The following MALRD1 variants were observed in gnomAD, a reference collection of about 807,000 sequenced individuals.
MALRD1 encodes MAM and LDL-receptor class A domain-containing protein 1.
A neutral mutation model predicts 242.1 loss-of-function variants in MALRD1; 247 were observed. The observed-to-expected ratio is 1.02, with a 90% CI of 0.92 to 1.13. The LOEUF is 1.13. Among genes scored for constraint, MALRD1 ranks in the 50% most tolerant of loss-of-function variants. The pLI is 0.00. For synonymous variants in MALRD1, 995 were observed against 866.6 expected (o/e 1.15, Z -2.60); for missense variants, 2,989 against 2,533.1 (o/e 1.18, Z -3.86).
At chr10:19,595,488 G>T in intron 34 of MALRD1, 31 bp downstream of exon 34, 1 of 1,532,474 alleles carries the variant, frequency 6.5e-7, no homozygotes, top group South Asian at 1.2e-5. Flanking sequence ...CAATGTGTAA[G>T]GGAAGGCATG....
chr10:19,350,478 A>G (rs557342132), intron 25 of MALRD1, among the ~76,000 whole-genome samples: 1 of 151,736 alleles, frequency 6.6e-6, no homozygotes, highest in African/African-American at 2.4e-5. Context: ...GGTTTCACCA[A>G]GTTGGCAAGG....
At chr10:19,189,098 C>T (rs1352234481) in intron 14 of MALRD1, among the ~76,000 whole-genome samples, 2 of 151,812 alleles carry the variant, frequency 1.3e-5, no homozygotes, top group Non-Finnish European at 2.9e-5. Flanking sequence ...ATTCAAATTA[C>T]TATAATCAGA....
At chr10:19,061,687 A>C (rs1369082180) in intron 1 of MALRD1, among the ~76,000 whole-genome samples, 1 of 152,158 alleles carries the variant, frequency 6.6e-6, no homozygotes, top group Non-Finnish European at 1.5e-5. Context: ...CCAATGGGGA[A>C]AGGACAGTCT....
In MALRD1 at chr10:19,531,304, C is replaced by T. The variant is rs572411579; in HGVS notation, c.5431C>T (p.Arg1811Trp). ...AGCAAGCCTTGGAATGTGTACTGTT[C>T]GGTTCTGGTTCTACATGATTGATCC... ...FPASLGMCTV[R>W]FWFYMIDPRS... is the part of the protein sequence containing the mutation. Residue 1811 changes from arginine (R) to tryptophan (W), a missense_variant, in exon 32 of 40, where the codon CGG becomes TGG. Transcript: ENST00000454679. 534 of 1,549,544 alleles carry T rather than the reference C, an allele frequency of 3.4e-4. No homozygotes were observed. Among genetic ancestry groups the T allele is most frequent in the Non-Finnish European group, 4.2e-4 (486 of 1,146,392 alleles).
At chr10:19,068,289 T>C (rs535471708) in intron 2 of MALRD1, among the ~76,000 whole-genome samples, 3 of 152,234 alleles carry the variant, frequency 2.0e-5, no homozygotes, top group East Asian at 3.9e-4. Context: ...TCTCTCTCTC[T>C]TTCCTTTCTG....
intron 14 of MALRD1, among the ~76,000 whole-genome samples, chr10:19,187,299 A>G (rs1835783052): frequency 6.6e-6 from 1 of 152,038 alleles, no homozygotes; most frequent in Non-Finnish European, 1.5e-5. Context: ...GTGCTGTAGA[A>G]AAAAAAATGA....
At chr10:19,146,123 T>G (rs1182666440) in intron 10 of MALRD1, 75 bp from the exon 11 acceptor site, 6 of 1,131,520 alleles carry the variant, frequency 5.3e-6, no homozygotes, top group Non-Finnish European at 6.7e-6. Flanking sequence ...CCTAAGATGA[T>G]TAGCTAGCGT....
In MALRD1 at chr10:19,202,884, C is replaced by G. The variant is rs143896824; in HGVS notation, c.1952-844C>G. 2.8e-3 allele frequency among the ~76,000 whole-genome samples: 419 copies of G among 152,066 alleles called. 3 individuals carry two copies. The highest frequency in any genetic ancestry group is 9.7e-3 in the African/African-American group (402 of 41,460). On this transcript the variant is annotated intron_variant, in intron 14 of 39. Coordinates refer to ENST00000454679, the MANE Select transcript of MALRD1 (RefSeq NM_001142308.3). The stretch of plus-strand genomic sequence containing the variant: ...GAGTCACAATATTTGGATTACGTTC[C>G]CACCCTACAACTTCCTAAATATTTG...
chr10:19,324,599 ATT>A (rs34635923), intron 22 of MALRD1, among the ~76,000 whole-genome samples: 13 of 146,872 alleles, frequency 8.9e-5, no homozygotes, highest in Non-Finnish European at 1.3e-4. Context: ...CAGAGATCTT[ATT>A]TTTTTTTTAA....
intron 28 of MALRD1, among the ~76,000 whole-genome samples, chr10:19,445,850 C>A (rs1237360887): frequency 6.6e-6 from 1 of 152,172 alleles, no homozygotes; most frequent in African/African-American, 2.4e-5. Context: ...TTTAAGTCTG[C>A]AAAAGTTTCT....
intron 26 of MALRD1, among the ~76,000 whole-genome samples, chr10:19,385,344 G>C (rs1203695358): frequency 2.0e-5 from 3 of 152,036 alleles, no homozygotes; most frequent in African/African-American, 7.2e-5. Context: ...TGAATATTTA[G>C]TAGAATTCAC....
chr10:19,088,271 CT>C, intron 4 of MALRD1, 86 bp downstream of exon 4: 1 of 1,153,932 alleles, frequency 8.7e-7, no homozygotes, highest in Non-Finnish European at 1.1e-6. Context: ...AGTAAGGCAA[CT>C]GTCCCAGTTT....
chr10:19,124,755 C>G, intron 7 of MALRD1, 85 bp downstream of exon 7: 3 of 1,092,038 alleles, frequency 2.7e-6, no homozygotes, highest in Non-Finnish European at 3.5e-6. Context: ...CATAGGAGGC[C>G]TTGGTGAATA....
At chr10:19,482,147 T>A (rs575267326) in intron 29 of MALRD1, among the ~76,000 whole-genome samples, 5 of 152,080 alleles carry the variant, frequency 3.3e-5, no homozygotes, top group Admixed American at 1.3e-4. Context: ...TTACAACTTT[T>A]ATAAGAACTG....
intron 7 of MALRD1, among the ~76,000 whole-genome samples, chr10:19,128,014 A>C (rs1837336212): frequency 6.6e-6 from 1 of 152,320 alleles, no homozygotes. Context: ...AGAAATTAGG[A>C]GATTTCTCTA....
chr10:19,722,576 C>T, intron 38 of MALRD1: 1 of 60,196 alleles, frequency 1.7e-5, no homozygotes, highest in Non-Finnish European at 3.2e-5. Context: ...GGTGACAGAG[C>T]AAGACCATGT....
At chr10:19,422,800 A>G (rs1409733084) in intron 28 of MALRD1, among the ~76,000 whole-genome samples, 2 of 152,100 alleles carry the variant, frequency 1.3e-5, no homozygotes, top group African/African-American at 2.4e-5. Flanking sequence ...TAGGCTGGAA[A>G]TTTCAATGAC....
chr10:19,488,245 C>T (rs1401704550), intron 29 of MALRD1, among the ~76,000 whole-genome samples: 1 of 152,074 alleles, frequency 6.6e-6, no homozygotes, highest in Non-Finnish European at 1.5e-5. Context: ...TAGATGAAAA[C>T]ATTGTTTCTG....
intron 32 of MALRD1, among the ~76,000 whole-genome samples, chr10:19,547,818 A>ATTTTTT (rs869038128): frequency 2.4e-4 from 4 of 16,914 alleles, no homozygotes; most frequent in South Asian, 4.8e-3. Flanking sequence ...ATATATATAT[A>ATTTTTT]TTTTTTTTTT....
Sources: allele counts gnomAD v4.1 joint callset (sites outside exome capture counted in the v4.1 genomes callset), GRCh38; gene constraint gnomAD v4.1.1; transcripts MANE v1.5; gene names NCBI Gene and HGNC (gene_info 2026-07-23, HGNC 2026-07-21).